Variants in SMURF1 observed in about 807,000 individuals in gnomAD.
SMURF1 encodes the protein SMAD specific E3 ubiquitin protein ligase 1.
SMURF1 carries 44 observed loss-of-function variants against 98.0 expected under a neutral mutation model. The observed-to-expected ratio is 0.45, with a 90% confidence interval of 0.35 to 0.58. The LOEUF is 0.58. Ranked by LOEUF, SMURF1 falls within the 20% of genes least tolerant of loss-of-function variation. The pLI is 0.00. For synonymous variants in SMURF1, 396 were observed against 374.9 expected, an observed-to-expected ratio of 1.06 and a Z score of -0.65; for missense variants, 687 against 938.4, an observed-to-expected ratio of 0.73 and a Z score of 3.50.
intron 1 of SMURF1, among the ~76,000 whole-genome samples, chr7:99,080,917 C>T (rs1796565422): frequency 6.6e-6 from 1 of 152,158 alleles, no homozygotes; most frequent in African/African-American, 2.4e-5. Flanking sequence ...CACTTCCGGA[C>T]CACAATACAG....
At position 99,059,776 on chromosome 7, in the gene SMURF1, C is replaced by T. The variant is rs182032117; in HGVS notation, c.203+823G>A. ...TACAAAAATTAGTTGGGCATGCTGG[C>T]GGATGCCTGTAATTCCAGCTACTTG... On this transcript the variant is annotated intron_variant, in intron 3 of 17. Transcript: ENST00000361368. 2.5e-3 allele frequency among the ~76,000 whole-genome samples: 378 copies of T among 151,946 alleles called. 2 individuals are homozygous for T. The highest frequency in any genetic ancestry group is 3.9e-3 in the Non-Finnish European group (262 of 67,964).
rs1449801547 is a variant in SMURF1, at chr7:99,038,503, G to A, written c.1573C>T (p.Leu525=). 1 of 1,614,220 alleles carries A rather than the reference G, an allele frequency of 6.2e-7. No individual in the cohort carries two copies. Residue 525 remains leucine, a synonymous_variant, in exon 14 of 18, where the codon CTG becomes TTG. Coordinates refer to ENST00000361368, the MANE Select transcript of SMURF1 (RefSeq NM_181349.3). ...WILENDITPV[L]DHTFCVEHNA... is the part of the protein sequence containing the mutation. ...TGTTCCACGCAGAAGGTGTGGTCCA[G>A]TACAGGCGTGATGTCGTTCTCTCTG...
At chr7:99,093,445 T>C (rs972527358) in intron 1 of SMURF1, among the ~76,000 whole-genome samples, 3 of 152,170 alleles carry the variant, frequency 2.0e-5, no homozygotes, top group African/African-American at 7.2e-5. Flanking sequence ...TTGAGTTTTA[T>C]CCTGGAAAAT....
intron 1 of SMURF1, among the ~76,000 whole-genome samples, chr7:99,112,172 A>T (rs1177417004): frequency 6.6e-6 from 1 of 152,194 alleles, no homozygotes; most frequent in Non-Finnish European, 1.5e-5. Flanking sequence ...GCATGCTCAG[A>T]AAAGACCTAA....
intron 1 of SMURF1, among the ~76,000 whole-genome samples, chr7:99,130,013 A>G (rs775708289): frequency 6.6e-5 from 10 of 152,344 alleles, no homozygotes; most frequent in South Asian, 4.1e-4. Flanking sequence ...TTGCATAAAA[A>G]CTAAATTATT....
chr7:99,033,006 G>A (rs764269646), intron 17 of SMURF1, 31 bp downstream of exon 17: 68 of 1,600,098 alleles, frequency 4.2e-5, no homozygotes, highest in Admixed American at 5.2e-5. Context: ...GGGCTCCCAG[G>A]ACGCCGTGAC....
At chr7:99,089,524 C>T (rs1796764520) in intron 1 of SMURF1, among the ~76,000 whole-genome samples, 1 of 151,902 alleles carries the variant, frequency 6.6e-6, no homozygotes, top group African/African-American at 2.4e-5. Flanking sequence ...GCCTGTAATC[C>T]CAGCTACTCA....
chr7:99,140,429 G>A (rs1039130689), intron 1 of SMURF1, among the ~76,000 whole-genome samples: 5 of 151,856 alleles, frequency 3.3e-5, no homozygotes, highest in African/African-American at 1.2e-4. Flanking sequence ...TGGGACTACA[G>A]GCGCCCGCCA....
intron 15 of SMURF1, chr7:99,036,477 C>CAA (rs11341707): frequency 0.017 from 1,241 of 73,860 alleles, 28 homozygotes; most frequent in African/African-American, 0.056. Flanking sequence ...GACCGTGTCT[C>CAA]AAAAAAAAAA....
chr7:99,109,760 A>T (rs1355213025), intron 1 of SMURF1, among the ~76,000 whole-genome samples: 1 of 152,252 alleles, frequency 6.6e-6, no homozygotes, highest in African/African-American at 2.4e-5. Context: ...GCATTTGATA[A>T]AATTCGACAT....
chr7:99,103,380 G>C (rs1319550258), intron 1 of SMURF1, among the ~76,000 whole-genome samples: 1 of 152,068 alleles, frequency 6.6e-6, no homozygotes, highest in Admixed American at 6.5e-5. Context: ...ACCGGGGAAA[G>C]GTATTTAAAA....
intron 1 of SMURF1, among the ~76,000 whole-genome samples, chr7:99,135,623 A>G (rs1371477060): frequency 6.6e-6 from 1 of 152,248 alleles, no homozygotes; most frequent in East Asian, 1.9e-4. Context: ...GGAATACACG[A>G]TAATTTACTT....
chr7:99,045,864 C>G, intron 10 of SMURF1, 63 bp from the exon 11 acceptor site: 1 of 1,313,124 alleles, frequency 7.6e-7, no homozygotes, highest in Non-Finnish European at 1.1e-6. Context: ...TATGAAAGGT[C>G]ATTGATAATG....
At chr7:99,139,259 C>T (rs1436570092) in intron 1 of SMURF1, among the ~76,000 whole-genome samples, 3 of 152,242 alleles carry the variant, frequency 2.0e-5, no homozygotes, top group African/African-American at 7.2e-5. Flanking sequence ...GTCACCCTTA[C>T]ATCCCACAAG....
chr7:99,090,665 C>T lies in SMURF1; in HGVS notation c.56-28828G>A, dbSNP rs185871991. On this transcript the variant is annotated intron_variant, in intron 1 of 17. Coordinates refer to ENST00000361368, the MANE Select transcript of SMURF1 (RefSeq NM_181349.3). Reference sequence around the variant, plus strand: ...ATCTGTAATAGAAGAAAAATGAGCACGAGCAAGCTTTTGGAGTTCCTGTAT... The same window carrying T: ...ATCTGTAATAGAAGAAAAATGAGCATGAGCAAGCTTTTGGAGTTCCTGTAT... Among the ~76,000 whole-genome samples the T allele has an allele frequency of 6.6e-5, 10 of 152,276 alleles. No individual in the cohort carries two copies. The East Asian group carries it at 7.7e-4, about 12-fold the overall frequency.
rs1196222880 is a variant in SMURF1, at chr7:99,038,392, C to T, written c.1684G>A (p.Val562Ile). Reference protein sequence around the residue: ...PVTEENKKEYVRLYVNWRFMR... With the variant: ...PVTEENKKEYIRLYVNWRFMR... ...GTCCCCGACAGGTGGCATTACCGGA[C>T]GTATTCTTTCTTATTCTCCTCTGTG... The change falls in exon 14 of 18, where the codon GTC becomes ATC. Residue 562 changes from valine (V) to isoleucine (I), a missense_variant. Coordinates refer to ENST00000361368, the MANE Select transcript of SMURF1 (RefSeq NM_181349.3). The T allele has an allele frequency of 2.5e-6, 4 of 1,613,904 alleles. No individual in the cohort carries two copies. Among genetic ancestry groups the T allele is most frequent in the African/African-American group, 1.3e-5 (1 of 74,950 alleles).
At chr7:99,119,293 G>T (rs1797539440) in intron 1 of SMURF1, among the ~76,000 whole-genome samples, 1 of 152,044 alleles carries the variant, frequency 6.6e-6, no homozygotes, top group Non-Finnish European at 1.5e-5. Context: ...GGCGTGAAGA[G>T]ATTTCCTTTC....
intron 1 of SMURF1, among the ~76,000 whole-genome samples, chr7:99,067,689 C>T (rs1246993277): frequency 2.6e-5 from 4 of 152,154 alleles, no homozygotes; most frequent in Non-Finnish European, 4.4e-5. Context: ...CAGTGGCTCA[C>T]GCCTGTAATC....
chr7:99,143,626 G>A, intron 1 of SMURF1, 100 bp downstream of exon 1: 2 of 1,023,244 alleles, frequency 2.0e-6, no homozygotes, highest in Non-Finnish European at 2.7e-6. Flanking sequence ...CTGGGACAAC[G>A]GCCGGCGTGG....
Sources: allele counts gnomAD v4.1 joint callset (sites outside exome capture counted in the v4.1 genomes callset), GRCh38; gene constraint gnomAD v4.1.1; transcripts MANE v1.5; gene names NCBI Gene and HGNC (gene_info 2026-07-23, HGNC 2026-07-21).